The following CROT variants were observed in gnomAD, a reference collection of about 807,000 sequenced individuals.
The protein encoded by CROT is peroxisomal carnitine O-octanoyltransferase.
A neutral mutation model predicts 89.2 loss-of-function variants in CROT; 84 were observed. That is an observed-to-expected ratio of 0.94 (90% CI 0.79 to 1.13). The LOEUF (loss-of-function observed/expected upper bound fraction) is 1.13. Among genes scored for constraint, CROT ranks in the 50% most tolerant of loss-of-function variants. CROT has a pLI of 0.00. For missense variants in CROT, 711 were observed against 727.8 expected, an observed-to-expected ratio of 0.98 and a Z score of 0.27; for synonymous variants, 212 against 239.5, an observed-to-expected ratio of 0.89 and a Z score of 1.06.
At chr7:87,360,493 A>G (rs1178935212) in intron 4 of CROT, among the ~76,000 whole-genome samples, 1 of 151,952 alleles carries the variant, frequency 6.6e-6, no homozygotes, top group Non-Finnish European at 1.5e-5. Flanking sequence ...GGTGCGCACC[A>G]CCACACCCAA....
chr7:87,371,924 G>A (rs1003680311), intron 7 of CROT, among the ~76,000 whole-genome samples: 2 of 150,570 alleles, frequency 1.3e-5, no homozygotes, highest in African/African-American at 4.9e-5. Flanking sequence ...AGCCCAGGAG[G>A]TCGAGGCTGC....
intron 17 of CROT, among the ~76,000 whole-genome samples, chr7:87,396,395 C>T (rs1807524024): frequency 6.6e-6 from 1 of 152,134 alleles, no homozygotes; most frequent in South Asian, 2.1e-4. Flanking sequence ...GAAGCAGTGC[C>T]AGAACTGATG....
chr7:87,365,791 A>G, intron 6 of CROT, among the ~76,000 whole-genome samples: 1 of 151,846 alleles, frequency 6.6e-6, no homozygotes, highest in African/African-American at 2.4e-5. Flanking sequence ...TTTTTTGTAG[A>G]GACCGAGTTT....
intron 14 of CROT, among the ~76,000 whole-genome samples, chr7:87,391,989 A>G (rs551780589): frequency 2.6e-5 from 4 of 152,334 alleles, no homozygotes; most frequent in South Asian, 4.1e-4. Flanking sequence ...CCTTTAGAAC[A>G]ACACCAACAA....
chr7:87,392,292 G>A (rs544658168), intron 14 of CROT, among the ~76,000 whole-genome samples: 3 of 151,966 alleles, frequency 2.0e-5, no homozygotes, highest in South Asian at 2.1e-4. Flanking sequence ...TTGAAATATC[G>A]GTTGCTTTTA....
chr7:87,375,976 T>C (rs779326682), intron 9 of CROT, 23 bp downstream of exon 9: 1 of 1,535,690 alleles, frequency 6.5e-7, no homozygotes, highest in East Asian at 2.3e-5. Flanking sequence ...CTTCTCTTTT[T>C]TTTTTTATTG....
chr7:87,350,876 C>T (rs1182624451), intron 3 of CROT, among the ~76,000 whole-genome samples: 1 of 152,152 alleles, frequency 6.6e-6, no homozygotes, highest in Non-Finnish European at 1.5e-5. Context: ...CATTAATCAA[C>T]TAAGCCCATC....
intron 6 of CROT, among the ~76,000 whole-genome samples, chr7:87,365,610 T>G (rs369324375): frequency 2.8e-4 from 41 of 146,814 alleles, no homozygotes; most frequent in African/African-American, 1.1e-3. Context: ...TAGTTTTTTG[T>G]TTTTTGTTTG....
At chr7:87,353,651 A>G (rs1291746990) in intron 3 of CROT, among the ~76,000 whole-genome samples, 1 of 152,224 alleles carries the variant, frequency 6.6e-6, no homozygotes, top group Admixed American at 6.5e-5. Flanking sequence ...GAACCTTACA[A>G]TCATGGCAGA....
chr7:87,368,268 T>G (rs1017607900), intron 6 of CROT, among the ~76,000 whole-genome samples: 3 of 152,232 alleles, frequency 2.0e-5, no homozygotes, highest in Non-Finnish European at 4.4e-5. Context: ...GGTAGCACCC[T>G]TCTGCCACCC....
intron 7 of CROT, among the ~76,000 whole-genome samples, chr7:87,372,548 A>G (rs1425775148): frequency 1.3e-5 from 2 of 152,202 alleles, no homozygotes; most frequent in African/African-American, 4.8e-5. Context: ...CAGAATTTGA[A>G]TCACTATTTA....
intron 7 of CROT, 196 bp from the exon 8 acceptor site, chr7:87,375,436 A>T: frequency 2.0e-6 from 1 of 506,600 alleles, no homozygotes; most frequent in Non-Finnish European, 3.5e-6. Context: ...ATTATTGTCA[A>T]ATATGCTTTT....
At chr7:87,376,697 T>C (rs1806822060) in intron 9 of CROT, among the ~76,000 whole-genome samples, 1 of 151,986 alleles carries the variant, frequency 6.6e-6, no homozygotes, top group South Asian at 2.1e-4. Context: ...TAATGCAGTG[T>C]TGTTCAAAGT....
At chr7:87,386,177 C>T (rs1220200449) in intron 13 of CROT, among the ~76,000 whole-genome samples, 2 of 152,130 alleles carry the variant, frequency 1.3e-5, no homozygotes, top group Admixed American at 1.3e-4. Flanking sequence ...ATGCTGTCTT[C>T]ATAGAATGAG....
Position 87,361,820 on chromosome 7 carries a change from C to T in CROT, c.515C>T (p.Thr172Ile), listed in dbSNP as rs534687382. 4 of 1,604,448 alleles carry T rather than the reference C, an allele frequency of 2.5e-6. No homozygotes were observed. The Admixed American group carries it at 6.9e-5, about 28-fold the overall frequency. ...TCTACCTGCAAGGTTCCAGGAATTACTAGAGACTCCATTATGAATTATTTT... is the reference window on the plus strand; with the variant it reads ...TCTACCTGCAAGGTTCCAGGAATTATTAGAGACTCCATTATGAATTATTTT... ...LFSTCKVPGI[T>I]RDSIMNYFRT... The change falls in exon 6 of 18, where the codon ACT becomes ATT. Residue 172 changes from threonine to isoleucine, a missense_variant. Physicochemically the swap from Thr to Ile is moderately conservative, Grantham distance 89. Coordinates refer to ENST00000331536, the MANE Select transcript of CROT (RefSeq NM_021151.4).
At chr7:87,398,012 C>T (rs1163701355) in intron 17 of CROT, among the ~76,000 whole-genome samples, 2 of 151,818 alleles carry the variant, frequency 1.3e-5, no homozygotes. Flanking sequence ...AGGAGTATCT[C>T]GAGAAAGATG....
intron 4 of CROT, chr7:87,360,251 G>C: frequency 3.4e-6 from 1 of 292,150 alleles, no homozygotes; most frequent in Non-Finnish European, 5.1e-6. Flanking sequence ...GAATTCAATT[G>C]CATATTGTGA....
At chr7:87,358,421 G>A (rs1806161962) in intron 3 of CROT, among the ~76,000 whole-genome samples, 1 of 142,792 alleles carries the variant, frequency 7.0e-6, no homozygotes, top group African/African-American at 2.6e-5. Context: ...GGCGGAGCTT[G>A]CAGTGAGCTG....
chr7:87,358,566 GTAT>G lies in CROT; in HGVS notation c.116-635_116-633del, dbSNP rs1407360069. ...ATTAACAGATAATTTTATGTTATATGTATTATTTTCTGAATTATTTAAGTTAGA... is the reference window on the plus strand; with the variant it reads ...ATTAACAGATAATTTTATGTTATATGTATTTTCTGAATTATTTAAGTTAGA... On this transcript the variant is annotated intron_variant, in intron 3 of 17. Coordinates refer to ENST00000331536, the MANE Select transcript of CROT (RefSeq NM_021151.4). 6.6e-5 allele frequency among the ~76,000 whole-genome samples: 10 copies of G among 151,404 alleles called. No homozygotes were observed. The South Asian group carries it at 1.5e-3, about 22-fold the overall frequency.
Sources: gnomAD v4.1 joint callset for allele counts (sites outside exome capture counted in the v4.1 genomes callset) on GRCh38, gnomAD v4.1.1 for gene constraint, MANE v1.5 for transcripts, NCBI Gene and HGNC (gene_info 2026-07-23, HGNC 2026-07-21) for gene names.